Variants in ZFAT observed in about 807,000 individuals in gnomAD.
ZFAT encodes the protein zinc finger protein ZFAT.
A neutral mutation model predicts 117.7 loss-of-function variants in ZFAT; 64 were observed. The ratio of observed to expected loss-of-function variants is 0.54; its 90% CI spans 0.44 to 0.67. The LOEUF is 0.67. Among genes scored for constraint, ZFAT ranks in the 30% least tolerant of loss-of-function variants. The pLI, the probability that ZFAT is intolerant of heterozygous loss-of-function variation, is 0.00. For synonymous variants in ZFAT, 679 were observed against 615.0 expected (o/e 1.10, Z -1.54); for missense variants, 1,433 against 1,584.5 (o/e 0.90, Z 1.62).
the ZFAT span, among the ~76,000 whole-genome samples, chr8:134,800,291 T>C: frequency 6.6e-6 from 1 of 152,210 alleles, no homozygotes; most frequent in East Asian, 1.9e-4. Flanking sequence ...ATAAGCATAC[T>C]GTTTTTCTGT....
rs949693420 is a variant in ZFAT at position 134,606,484 on chromosome 8, G to A, written c.785+2245C>T. 2.6e-5 allele frequency among the ~76,000 whole-genome samples: 4 copies of A among 152,296 alleles called. 1 individual carries two copies. The highest frequency in any genetic ancestry group is 1.3e-4 in the Admixed American group (2 of 15,306). On this transcript the variant is annotated intron_variant, in intron 5 of 15. Coordinates refer to ENST00000377838, the MANE Select transcript of ZFAT (RefSeq NM_020863.4). ...AATTCCAGCATTTTGGGAGGCCAAGGCTGGTGGATAACTTGAGGTCAAGAG... is the reference window on the plus strand; with the variant it reads ...AATTCCAGCATTTTGGGAGGCCAAGACTGGTGGATAACTTGAGGTCAAGAG...
chr8:134,557,317 A>C (rs1382575820), intron 11 of ZFAT, among the ~76,000 whole-genome samples: 1 of 152,226 alleles, frequency 6.6e-6, no homozygotes, highest in Non-Finnish European at 1.5e-5. Flanking sequence ...AAAAACAGGG[A>C]AAGTCTGAGA....
intron 3 of ZFAT, among the ~76,000 whole-genome samples, chr8:134,624,379 G>C (rs945750313): frequency 6.6e-6 from 1 of 151,578 alleles, no homozygotes; most frequent in East Asian, 2.0e-4. Flanking sequence ...CCTGTGGCCG[G>C]GCATGGTGGT....
intron 4 of ZFAT, among the ~76,000 whole-genome samples, chr8:134,610,172 G>A (rs1337070467): frequency 6.7e-6 from 1 of 149,852 alleles, no homozygotes; most frequent in Non-Finnish European, 1.5e-5. Flanking sequence ...CTGGGTGAGG[G>A]GACGAAGAAA....
chr8:134,521,576 C>T (rs1391463316), intron 12 of ZFAT, among the ~76,000 whole-genome samples: 5 of 151,990 alleles, frequency 3.3e-5, no homozygotes, highest in Non-Finnish European at 7.4e-5. Flanking sequence ...AAATTTTGCA[C>T]ACGTTCCAGG....
chr8:134,652,254 G>A (rs183894403), intron 2 of ZFAT, among the ~76,000 whole-genome samples: 142 of 152,292 alleles, frequency 9.3e-4, no homozygotes, highest in Admixed American at 1.9e-3. Flanking sequence ...GCAAATGAGC[G>A]AGACTCTGTC....
chr8:134,657,825 C>T (rs1292440137), intron 1 of ZFAT, 88 bp from the exon 2 acceptor site: 2 of 1,391,258 alleles, frequency 1.4e-6, no homozygotes, highest in South Asian at 1.4e-5. Flanking sequence ...CCGAAAGCTG[C>T]CCTTCTGAGC....
intron 1 of ZFAT, among the ~76,000 whole-genome samples, chr8:134,674,407 G>A (rs1832697168): frequency 6.6e-6 from 1 of 152,202 alleles, no homozygotes; most frequent in Non-Finnish European, 1.5e-5. Flanking sequence ...CTGGAGCTTG[G>A]TGGGGGAAGG....
At chr8:134,480,016 C>T (rs1817185668) in intron 15 of ZFAT, among the ~76,000 whole-genome samples, 1 of 148,256 alleles carries the variant, frequency 6.7e-6, no homozygotes, top group Admixed American at 6.8e-5. Context: ...TGCAGTGGTG[C>T]CATCTCAGCT....
intron 11 of ZFAT, among the ~76,000 whole-genome samples, chr8:134,551,515 A>G (rs1476434202): frequency 6.6e-6 from 1 of 152,248 alleles, no homozygotes; most frequent in Non-Finnish European, 1.5e-5. Context: ...TCTAGGTAAC[A>G]GGAGGAGTTG....
At chr8:134,659,262 C>G (rs1222588930) in intron 1 of ZFAT, among the ~76,000 whole-genome samples, 1 of 152,198 alleles carries the variant, frequency 6.6e-6, no homozygotes, top group African/African-American at 2.4e-5. Flanking sequence ...ACTGCCTCTG[C>G]CACCCCTTCC....
chr8:134,619,390 C>T (rs539718742), intron 3 of ZFAT, among the ~76,000 whole-genome samples: 12 of 152,216 alleles, frequency 7.9e-5, no homozygotes, highest in Admixed American at 5.9e-4. Flanking sequence ...CCACCCATTG[C>T]AGTTGCGGAC....
intron 1 of ZFAT, among the ~76,000 whole-genome samples, chr8:134,662,699 C>G (rs1831992429): frequency 6.6e-6 from 1 of 152,212 alleles, no homozygotes; most frequent in Non-Finnish European, 1.5e-5. Flanking sequence ...GACTTTCAAG[C>G]CTTTGAGTAA....
chr8:134,558,762 A>G (rs529223618), intron 11 of ZFAT, among the ~76,000 whole-genome samples: 2 of 152,180 alleles, frequency 1.3e-5, no homozygotes, highest in East Asian at 3.8e-4. Context: ...GGTACCATGT[A>G]CCATACTTAC....
the ZFAT span, among the ~76,000 whole-genome samples, chr8:134,745,779 C>T: frequency 6.6e-6 from 1 of 152,172 alleles, no homozygotes; most frequent in Admixed American, 6.5e-5. Context: ...ATTTACTCAT[C>T]CAAAACATCC....
At chr8:134,590,658 C>A (rs28663513) in intron 7 of ZFAT, among the ~76,000 whole-genome samples, 1 of 148,530 alleles carries the variant, frequency 6.7e-6, no homozygotes, top group African/African-American at 2.5e-5. Flanking sequence ...ACCACCACCA[C>A]CAACACCACC....
At chr8:134,684,735 G>A (rs1833238312) in intron 1 of ZFAT, among the ~76,000 whole-genome samples, 1 of 152,218 alleles carries the variant, frequency 6.6e-6, no homozygotes, top group South Asian at 2.1e-4. Flanking sequence ...AGATTACGTG[G>A]GGAAAAGGCA....
chr8:134,831,058 C>A, the ZFAT span, among the ~76,000 whole-genome samples: 5 of 152,198 alleles, frequency 3.3e-5, no homozygotes, highest in Non-Finnish European at 5.9e-5. Context: ...GATTACTTAA[C>A]CCTGGCAGTT....
chr8:134,743,845 A>G, the ZFAT span, among the ~76,000 whole-genome samples: 3 of 152,164 alleles, frequency 2.0e-5, no homozygotes. Context: ...GGGGAGGCAA[A>G]TCTCCACCCA....
Sources: gnomAD v4.1 joint callset for allele counts (sites outside exome capture counted in the v4.1 genomes callset) on GRCh38, gnomAD v4.1.1 for gene constraint, MANE v1.5 for transcripts, NCBI Gene and HGNC (gene_info 2026-07-23, HGNC 2026-07-21) for gene names.